SLC13A1: variants seen among roughly 807,000 people sequenced by gnomAD.
SLC13A1 encodes the protein solute carrier family 13 member 1.
SLC13A1 carries 65 observed loss-of-function variants against 70.0 expected under a neutral mutation model. The observed-to-expected ratio is 0.93, with a 90% confidence interval of 0.76 to 1.14. The LOEUF (loss-of-function observed/expected upper bound fraction) is 1.14, where lower values mean the gene tolerates loss of function less well. SLC13A1 is among the 50% of genes most tolerant of loss of function. The pLI is 0.00. For synonymous variants in SLC13A1, 275 were observed against 250.5 expected (o/e 1.10, Z -0.92); for missense variants, 726 against 717.8 (o/e 1.01, Z -0.13).
intron 1 of SLC13A1, among the ~76,000 whole-genome samples, chr7:123,183,689 C>G (rs79320447): frequency 6.6e-6 from 1 of 152,146 alleles, no homozygotes; most frequent in Non-Finnish European, 1.5e-5. Flanking sequence ...CCCAGACACA[C>G]TGAATCAATC....
intron 2 of SLC13A1, 36 bp from the exon 3 acceptor site, chr7:123,171,940 G>C (rs755733259): frequency 1.9e-6 from 3 of 1,595,264 alleles, no homozygotes; most frequent in Non-Finnish European, 2.6e-6. Context: ...TATTTACTTT[G>C]GTGGGGAAAA....
In SLC13A1 at chr7:123,147,245, C is replaced by A. The variant is rs187632799; in HGVS notation, c.726G>T (p.Leu242Phe). 1 of 1,613,590 alleles carries A rather than the reference C, an allele frequency of 6.2e-7. No individual in the cohort carries two copies. The highest frequency in any genetic ancestry group is 8.5e-7 in the Non-Finnish European group (1 of 1,179,828). ...KGHVTRKLTCLCIAYSSTIGG... is the reference protein window; with the variant it reads ...KGHVTRKLTCFCIAYSSTIGG... ...CAATGGTAGAAGAGTAGGCAATGCA[C>A]AAACACGTAAGTTTACGTGTCACGT... The change falls in exon 7 of 15, where the codon TTG becomes TTT. Residue 242 changes from leucine to phenylalanine, a missense_variant. Transcript: ENST00000194130.
chr7:123,138,150 A>G lies in SLC13A1; in HGVS notation c.813-3621T>C, dbSNP rs112559600. Among the ~76,000 whole-genome samples the G allele has an allele frequency of 1.5e-3, 225 of 152,220 alleles. 2 individuals are homozygous for G. The highest frequency in any genetic ancestry group is 2.3e-3 in the South Asian group (11 of 4,822). ...ATTTGTTTTAATTTTAGATCCCACA[A>G]ATCAGTGAGAACATGTAATGTCTTT... On this transcript the variant is annotated intron_variant, in intron 7 of 14. Coordinates refer to ENST00000194130, the MANE Select transcript of SLC13A1 (RefSeq NM_022444.4).
Position 123,169,222 on chromosome 7 carries a change from T to C in SLC13A1, c.479A>G (p.Asn160Ser), listed in dbSNP as rs139662385. Residue 160 changes from asparagine (N) to serine (S), a missense_variant, in exon 4 of 15, where the codon AAT becomes AGT. By Grantham distance (46) the Asn-to-Ser change is conservative. Transcript: ENST00000194130. ...AGTGGCCTCGACCTCTGCTTCTGCA[T>C]TGATGATCTGCTGCACTACAGCCTC... is the stretch of plus-strand genomic sequence containing the variant. Reference protein sequence around the residue: ...IAEAVVQQIINAEAEVEATQM... With the variant: ...IAEAVVQQIISAEAEVEATQM... 2.5e-5 allele frequency: 41 copies of C among 1,614,098 alleles called. No homozygotes were observed. In the East Asian group the frequency reaches 4.0e-4, roughly 16 times the overall value.
chr7:123,197,958 G>C (rs1796235422), intron 1 of SLC13A1, among the ~76,000 whole-genome samples: 1 of 152,138 alleles, frequency 6.6e-6, no homozygotes, highest in Non-Finnish European at 1.5e-5. Flanking sequence ...AAAAAGAGCA[G>C]CACAGATGAT....
At chr7:123,157,677 C>T (rs1183156454) in intron 6 of SLC13A1, among the ~76,000 whole-genome samples, 1 of 151,892 alleles carries the variant, frequency 6.6e-6, no homozygotes, top group East Asian at 1.9e-4. Flanking sequence ...TTTTTCTATC[C>T]AGCAGCATGA....
rs975729523 is a variant in SLC13A1, at chr7:123,117,704, C to T, written c.1513-96G>A. On this transcript the variant is annotated intron_variant, in intron 13 of 14. Coordinates refer to ENST00000194130, the MANE Select transcript of SLC13A1 (RefSeq NM_022444.4). ...GTATTACAATAAGCCTTCCCAGAAG[C>T]ATGTTGGAACCTAATGATATAAAAT... is the stretch of plus-strand genomic sequence containing the variant. 4 of 632,272 alleles carry T rather than the reference C, an allele frequency of 6.3e-6. No homozygotes were observed. The Admixed American group carries it at 1.2e-4, about 19-fold the overall frequency. The allele number at this position is 632,272 out of a possible 1,614,324, so 39.2% of individuals were successfully genotyped here.
At chr7:123,145,020 C>T (rs1476202063) in intron 7 of SLC13A1, among the ~76,000 whole-genome samples, 1 of 152,092 alleles carries the variant, frequency 6.6e-6, no homozygotes, top group African/African-American at 2.4e-5. Flanking sequence ...GCTACTTTTC[C>T]ATTTTGTGTG....
intron 6 of SLC13A1, among the ~76,000 whole-genome samples, chr7:123,155,022 G>C (rs141710142): frequency 7.3e-4 from 111 of 152,082 alleles, no homozygotes; most frequent in African/African-American, 2.6e-3. Flanking sequence ...TCATATTTTT[G>C]ATCCTTTGTA....
intron 7 of SLC13A1, among the ~76,000 whole-genome samples, chr7:123,141,312 T>C (rs1794131939): frequency 6.6e-6 from 1 of 152,154 alleles, no homozygotes; most frequent in African/African-American, 2.4e-5. Flanking sequence ...GTTTTAAGAC[T>C]CCTTTTGTGA....
chr7:123,142,577 C>G lies in SLC13A1; in HGVS notation c.812+4582G>C, dbSNP rs1397212532. Among the ~76,000 whole-genome samples, 3 of 151,656 alleles carry G rather than the reference C, an allele frequency of 2.0e-5. No individual in the cohort carries two copies. In the East Asian group the frequency reaches 5.9e-4, roughly 30 times the overall value. Reference sequence around the variant, plus strand: ...ACCTGAAGCCAGCAACTCTTAGAGTCTCTACAGTCTCACCCAAAGCTCTTG... The same window carrying G: ...ACCTGAAGCCAGCAACTCTTAGAGTGTCTACAGTCTCACCCAAAGCTCTTG... On this transcript the variant is annotated intron_variant, in intron 7 of 14. Transcript: ENST00000194130.
chr7:123,162,212 T>C (rs1471080865), intron 6 of SLC13A1, among the ~76,000 whole-genome samples: 1 of 152,112 alleles, frequency 6.6e-6, no homozygotes, highest in Non-Finnish European at 1.5e-5. Flanking sequence ...TTCAATAACA[T>C]AAAATGTGAA....
intron 1 of SLC13A1, among the ~76,000 whole-genome samples, chr7:123,198,673 G>A (rs949778976): frequency 2.0e-5 from 3 of 152,166 alleles, no homozygotes; most frequent in Middle Eastern, 3.4e-3. Context: ...AGAGGTCCCA[G>A]GATCACTGGC....
chr7:123,127,677 T>G (rs1165360754), intron 10 of SLC13A1, among the ~76,000 whole-genome samples: 1 of 152,004 alleles, frequency 6.6e-6, no homozygotes, highest in Non-Finnish European at 1.5e-5. Context: ...TATTGACTTG[T>G]GTGGTCATTA....
chr7:123,117,803 C>A (rs2116244348), intron 13 of SLC13A1, among the ~76,000 whole-genome samples, 195 bp from the exon 14 acceptor site: 1 of 151,986 alleles, frequency 6.6e-6, no homozygotes, highest in African/African-American at 2.4e-5. Flanking sequence ...GATACAGTTA[C>A]AGATGCCCAC....
At chr7:123,188,677 C>G (rs906346052) in intron 1 of SLC13A1, among the ~76,000 whole-genome samples, 1 of 151,956 alleles carries the variant, frequency 6.6e-6, no homozygotes, top group African/African-American at 2.4e-5. Flanking sequence ...TCTCTATAAA[C>G]TATGTATTTG....
At position 123,131,395 on chromosome 7, in the gene SLC13A1, A is replaced by G. The variant is rs569672902; in HGVS notation, c.933-1914T>C. Among the ~76,000 whole-genome samples the G allele has an allele frequency of 4.1e-4, 63 of 152,300 alleles. 2 individuals are homozygous for G. Among genetic ancestry groups the G allele is most frequent in the South Asian group, 2.9e-3 (14 of 4,824 alleles). ...ATTTTCCACCCAGTACATTGCATAT[A>G]TAGTTTATCATTTTGGTTGCAGACA... On this transcript the variant is annotated intron_variant, in intron 8 of 14. Transcript: ENST00000194130.
rs1246582199 is a variant in SLC13A1 at position 123,134,532 on chromosome 7, G to A, written c.813-3C>T. ...GGCAACGACAGTCAGGATAGCGTCT[G>A]TGTGAAAACATGGAGACGTGTTCAG... On this transcript the variant is annotated splice_polypyrimidine_tract_variant and splice_region_variant and intron_variant, in intron 7 of 14. Transcript: ENST00000194130. 46 of 1,611,762 alleles carry A rather than the reference G, an allele frequency of 2.9e-5. No homozygotes were observed. Among genetic ancestry groups the A allele is most frequent in the Non-Finnish European group, 3.9e-5 (46 of 1,178,820 alleles).
intron 12 of SLC13A1, 147 bp from the exon 13 acceptor site, chr7:123,119,389 G>A: frequency 1.6e-6 from 1 of 627,576 alleles, no homozygotes; most frequent in Non-Finnish European, 2.6e-6. Context: ...GGTTTGGTAG[G>A]TCTGGGTGGC....
Sources: gnomAD v4.1 joint callset for allele counts (sites outside exome capture counted in the v4.1 genomes callset) on GRCh38, gnomAD v4.1.1 for gene constraint, MANE v1.5 for transcripts, NCBI Gene and HGNC (gene_info 2026-07-23, HGNC 2026-07-21) for gene names.